CRYBG1: variants seen among roughly 807,000 people sequenced by gnomAD.
CRYBG1 encodes beta/gamma crystallin domain-containing protein 1.
Under a neutral mutation model 189.2 loss-of-function variants are expected in CRYBG1, and 139 were observed. That is an observed-to-expected ratio of 0.73 (90% CI 0.64 to 0.85). CRYBG1 has a LOEUF of 0.85. Among genes scored for constraint, CRYBG1 ranks in the 40% least tolerant of loss-of-function variants. The pLI is 0.00. For missense variants in CRYBG1, 2,611 were observed against 2,675.8 expected, an observed-to-expected ratio of 0.98 and a Z score of 0.53; for synonymous variants, 1,023 against 1,017.1, an observed-to-expected ratio of 1.01 and a Z score of -0.11.
chr6:106,539,753 C>T (rs1774088236), intron 9 of CRYBG1, among the ~76,000 whole-genome samples: 1 of 149,180 alleles, frequency 6.7e-6, no homozygotes, highest in Non-Finnish European at 1.5e-5. Flanking sequence ...GTCTTTAAGG[C>T]ATTCTCAGCC....
intron 1 of CRYBG1, among the ~76,000 whole-genome samples, chr6:106,434,745 T>G (rs1771423980): frequency 6.6e-6 from 1 of 152,248 alleles, no homozygotes; most frequent in Non-Finnish European, 1.5e-5. Context: ...AATAAAACTC[T>G]ATTTACAAAA....
intron 8 of CRYBG1, among the ~76,000 whole-genome samples, chr6:106,537,674 A>C (rs1774037149): frequency 6.6e-6 from 1 of 152,248 alleles, no homozygotes. Flanking sequence ...ACACAAGCGC[A>C]GTCACCATTC....
intron 2 of CRYBG1, among the ~76,000 whole-genome samples, chr6:106,474,043 A>G (rs1772288946): frequency 7.6e-6 from 1 of 132,136 alleles, no homozygotes; most frequent in African/African-American, 2.5e-5. Flanking sequence ...CTCAGAAGCT[A>G]ACTTAGAGTA....
At chr6:106,511,221 A>G (rs985324615) in intron 2 of CRYBG1, among the ~76,000 whole-genome samples, 17 of 152,252 alleles carry the variant, frequency 1.1e-4, no homozygotes, top group African/African-American at 3.4e-4. Context: ...TATTCTGACT[A>G]CTGCCAGAAA....
intron 2 of CRYBG1, among the ~76,000 whole-genome samples, chr6:106,494,116 A>G (rs934376889): frequency 6.6e-6 from 1 of 152,220 alleles, no homozygotes; most frequent in Non-Finnish European, 1.5e-5. Flanking sequence ...GCTATATGAA[A>G]GAAGCTAGTC....
At chr6:106,517,453 CATAT>C (rs1219730309) in intron 3 of CRYBG1, among the ~76,000 whole-genome samples, 3 of 101,112 alleles carry the variant, frequency 3.0e-5, no homozygotes, top group Non-Finnish European at 4.8e-5. Context: ...TATATACACA[CATAT>C]ATATATACAC....
At position 106,568,609 on chromosome 6, in the gene CRYBG1, C is replaced by CTTA; in HGVS notation, c.*46_*48dup. ...ATCTTCTGGAGGTCCTTCCAGCCAC[C>CTTA]TTATTTCTTAAAAAGGACAATGCTG... is the stretch of plus-strand genomic sequence containing the variant. On this transcript the variant is annotated 3_prime_UTR_variant, in exon 22 of 22. Coordinates refer to ENST00000633556, the MANE Select transcript of CRYBG1 (RefSeq NM_001371242.2). The CTTA allele has an allele frequency of 6.9e-7, 1 of 1,451,346 alleles. No individual in the cohort carries two copies. Among genetic ancestry groups the CTTA allele is most frequent in the Non-Finnish European group, 9.7e-7 (1 of 1,035,916 alleles). The allele number at this position is 1,451,346 out of a possible 1,614,324, so 89.9% of individuals were successfully genotyped here.
intron 2 of CRYBG1, among the ~76,000 whole-genome samples, chr6:106,496,553 A>T (rs9486372): frequency 0.019 from 2,922 of 152,232 alleles, 104 homozygotes; most frequent in African/African-American, 0.067. Flanking sequence ...ATGACTATGA[A>T]CCTTCAAAAA....
At chr6:106,511,282 G>T in intron 2 of CRYBG1, 148 bp from the exon 3 acceptor site, 2 of 785,344 alleles carry the variant, frequency 2.5e-6, no homozygotes, top group Non-Finnish European at 3.7e-6. Context: ...TTATTTTGTT[G>T]GAATGAATGT....
At position 106,512,407 on chromosome 6, in the gene CRYBG1, C is replaced by T. The variant is rs145352330; in HGVS notation, c.1290C>T (p.Ser430=). The part of the protein sequence containing the change: ...RRRGSQKSTD[S]PGADAELPES... Reference sequence around the variant, plus strand: ...GGGGGTCGCAGAAATCCACCGACTCCCCCGGCGCGGACGCCGAGCTCCCTG... The same window carrying T: ...GGGGGTCGCAGAAATCCACCGACTCTCCCGGCGCGGACGCCGAGCTCCCTG... The change falls in exon 3 of 22, where the codon TCC becomes TCT. Residue 430 remains serine (S), a synonymous_variant. Coordinates refer to ENST00000633556, the MANE Select transcript of CRYBG1 (RefSeq NM_001371242.2). 1.0e-3 allele frequency: 1,684 copies of T among 1,608,766 alleles called. 4 individuals carry two copies. Among genetic ancestry groups the T allele is most frequent in the South Asian group, 2.7e-3 (248 of 90,290 alleles).
intron 2 of CRYBG1, among the ~76,000 whole-genome samples, chr6:106,497,946 T>A (rs1189542151): frequency 6.6e-6 from 1 of 150,876 alleles, no homozygotes; most frequent in Non-Finnish European, 1.5e-5. Context: ...CAAAAAAAAA[T>A]TAAAAATAGC....
chr6:106,394,169 A>G (rs1026888998), intron 1 of CRYBG1, among the ~76,000 whole-genome samples: 3 of 152,188 alleles, frequency 2.0e-5, no homozygotes, highest in Non-Finnish European at 2.9e-5. Context: ...CCCTGACATC[A>G]TATTTCTTTG....
At chr6:106,474,907 T>C (rs1308717081) in intron 2 of CRYBG1, among the ~76,000 whole-genome samples, 1 of 152,210 alleles carries the variant, frequency 6.6e-6, no homozygotes, top group Non-Finnish European at 1.5e-5. Flanking sequence ...ATATGGTATG[T>C]GAGCTTCCAC....
At chr6:106,481,074 C>T (rs991018371) in intron 2 of CRYBG1, among the ~76,000 whole-genome samples, 2 of 91,096 alleles carry the variant, frequency 2.2e-5, no homozygotes, top group Non-Finnish European at 4.0e-5. Flanking sequence ...CCCGGGTTCA[C>T]GCCATTCTCC....
intron 2 of CRYBG1, among the ~76,000 whole-genome samples, chr6:106,498,940 A>C (rs528607736): frequency 1.3e-5 from 2 of 152,288 alleles, no homozygotes; most frequent in African/African-American, 4.8e-5. Flanking sequence ...ACAATATACC[A>C]AACAACATAT....
intron 1 of CRYBG1, among the ~76,000 whole-genome samples, chr6:106,369,749 C>T (rs1417206099): frequency 1.3e-5 from 2 of 152,196 alleles, no homozygotes; most frequent in African/African-American, 4.8e-5. Flanking sequence ...ATTCAATATG[C>T]ACTATGTATC....
intron 2 of CRYBG1, among the ~76,000 whole-genome samples, chr6:106,507,707 C>G (rs1349104003): frequency 1.3e-5 from 2 of 152,194 alleles, no homozygotes; most frequent in East Asian, 1.9e-4. Context: ...TAGTTTCCCC[C>G]TGAACAATGG....
At chr6:106,566,777 G>C (rs1774901105) in intron 21 of CRYBG1, among the ~76,000 whole-genome samples, 1 of 152,070 alleles carries the variant, frequency 6.6e-6, no homozygotes, top group South Asian at 2.1e-4. Context: ...GTCTCTTCTC[G>C]TTGGTGCACT....
intron 1 of CRYBG1, among the ~76,000 whole-genome samples, chr6:106,378,544 T>A (rs1020858543): frequency 3.9e-5 from 6 of 152,210 alleles, no homozygotes; most frequent in African/African-American, 1.4e-4. Flanking sequence ...TTGCCCTCTC[T>A]TACAGACACT....
Sources: allele counts gnomAD v4.1 joint callset (sites outside exome capture counted in the v4.1 genomes callset), GRCh38; gene constraint gnomAD v4.1.1; transcripts MANE v1.5; gene names NCBI Gene and HGNC (gene_info 2026-07-23, HGNC 2026-07-21).